Variants in SPON1 observed in about 807,000 individuals in gnomAD.
SPON1 encodes the protein spondin 1, also known as spondin-1.
In SPON1, 52 loss-of-function variants were observed where a neutral mutation model predicts 111.7. The ratio of observed to expected loss-of-function variants is 0.47; its 90% CI spans 0.37 to 0.59. The LOEUF (loss-of-function observed/expected upper bound fraction) is 0.59. SPON1 is among the 20% of genes least tolerant of loss of function. The pLI is 0.00. For synonymous variants in SPON1, 410 were observed against 395.8 expected (o/e 1.04, Z -0.43); for missense variants, 957 against 1,068.5 (o/e 0.90, Z 1.46).
At chr11:14,217,895 A>G (rs1434343245) in intron 6 of SPON1, among the ~76,000 whole-genome samples, 1 of 152,228 alleles carries the variant, frequency 6.6e-6, no homozygotes, top group Non-Finnish European at 1.5e-5. Context: ...GACACTGTCT[A>G]GGTCAATGGT....
chr11:14,098,378 T>C (rs889906114), intron 5 of SPON1, among the ~76,000 whole-genome samples: 1 of 152,236 alleles, frequency 6.6e-6, no homozygotes, highest in African/African-American at 2.4e-5. Context: ...TAATTACTAG[T>C]TTTCAATTTG....
chr11:14,241,775 G>A (rs1249429771), intron 6 of SPON1, among the ~76,000 whole-genome samples: 1 of 152,164 alleles, frequency 6.6e-6, no homozygotes, highest in Non-Finnish European at 1.5e-5. Flanking sequence ...TTCTTAGGAG[G>A]GAAGAAGGGA....
chr11:14,119,972 A>G (rs969676187), intron 5 of SPON1, among the ~76,000 whole-genome samples: 3 of 152,210 alleles, frequency 2.0e-5, no homozygotes, highest in Non-Finnish European at 4.4e-5. Context: ...CAGTGGCCAC[A>G]TATGAGAAGT....
chr11:14,219,231 C>T (rs887803920), intron 6 of SPON1, among the ~76,000 whole-genome samples: 6 of 152,174 alleles, frequency 3.9e-5, no homozygotes, highest in Non-Finnish European at 7.3e-5. Context: ...CTTCTCATTG[C>T]AATGTTCCTA....
intron 9 of SPON1, 29 bp from the exon 10 acceptor site, chr11:14,256,588 G>A (rs1228426378): frequency 1.3e-6 from 2 of 1,517,472 alleles, no homozygotes; most frequent in Non-Finnish European, 1.8e-6. Flanking sequence ...TCTCTCATGT[G>A]AGCCCTCCAA....
At chr11:13,995,089 T>C (rs1554911638) in intron 2 of SPON1, among the ~76,000 whole-genome samples, 1 of 152,242 alleles carries the variant, frequency 6.6e-6, no homozygotes, top group African/African-American at 2.4e-5. Context: ...TGTTTAATAT[T>C]ACTCTGTTCT....
chr11:14,182,149 CTT>C (rs1554933740), intron 6 of SPON1, among the ~76,000 whole-genome samples: 1 of 152,170 alleles, frequency 6.6e-6, no homozygotes, highest in Non-Finnish European at 1.5e-5. Context: ...CTCTAACACT[CTT>C]AAGCTCCCTG....
chr11:14,081,986 C>G (rs558730573), intron 5 of SPON1, among the ~76,000 whole-genome samples: 1 of 152,040 alleles, frequency 6.6e-6, no homozygotes, highest in Non-Finnish European at 1.5e-5. Flanking sequence ...GAGACCTGTG[C>G]GAAGAAACTT....
intron 5 of SPON1, among the ~76,000 whole-genome samples, chr11:14,086,196 G>A (rs1849005005): frequency 6.6e-6 from 1 of 152,122 alleles, no homozygotes; most frequent in Non-Finnish European, 1.5e-5. Flanking sequence ...AATGGGAGTG[G>A]TGAGAGGGGG....
Position 14,262,730 on chromosome 11 carries a change from C to T in SPON1, c.2015C>T (p.Thr672Ile), listed in dbSNP as rs373661458. 14 of 1,613,792 alleles carry T rather than the reference C, an allele frequency of 8.7e-6. No homozygotes were observed. The highest frequency in any genetic ancestry group is 1.3e-5 in the African/African-American group (1 of 74,882). The change falls in exon 15 of 16, where the codon ACC becomes ATC. Residue 672 changes from threonine to isoleucine, a missense_variant. Around this residue, in one of 5 missense-constraint regions of SPON1, gnomAD observed 549 missense variants for 606.2 expected, o/e 0.91. Coordinates refer to ENST00000576479, the MANE Select transcript of SPON1 (RefSeq NM_006108.4). ...TTGCCAGCCATTGACTGTGAGCTCA[C>T]CGAGTGGTCCCAGTGGTCGGAATGT... ...LPECPIDCELTEWSQWSECNK... is the reference protein window; with the variant it reads ...LPECPIDCELIEWSQWSECNK...
chr11:14,065,352 G>C (rs1554920261), intron 3 of SPON1, among the ~76,000 whole-genome samples: 2 of 152,194 alleles, frequency 1.3e-5, no homozygotes, highest in Non-Finnish European at 2.9e-5. Context: ...GTAATGACTT[G>C]CATGAACCCA....
At chr11:14,029,780 G>C (rs1848545427) in intron 2 of SPON1, among the ~76,000 whole-genome samples, 1 of 152,124 alleles carries the variant, frequency 6.6e-6, no homozygotes. Context: ...AGTTTTGCTG[G>C]GGACCCTTGG....
Position 14,057,844 on chromosome 11 carries a change from C to CAAACAAAAAAAAAAA in SPON1, c.479+16193_479+16194insCAAAAAAAAAAAAAA, listed in dbSNP as rs1554919408. On this transcript the variant is annotated intron_variant, in intron 3 of 15. Coordinates refer to ENST00000576479, the MANE Select transcript of SPON1 (RefSeq NM_006108.4). ...ACCTTGTCTCTACAAAAAAAAAAAA[C>CAAACAAAAAAAAAAA]AAAACAAAAACTTAAAAATAAAATT... Among the ~76,000 whole-genome samples the CAAACAAAAAAAAAAA allele has an allele frequency of 1.2e-4, 15 of 125,526 alleles. 1 individual carries two copies. Among genetic ancestry groups the CAAACAAAAAAAAAAA allele is most frequent in the East Asian group, 7.0e-4 (3 of 4,272 alleles). 82.3% of individuals were successfully genotyped at this position (125,526 alleles called of 152,430 possible). A position where few individuals can be genotyped will look rare whatever the true frequency, so the allele number is the denominator to read the frequency against.
intron 5 of SPON1, among the ~76,000 whole-genome samples, chr11:14,112,859 C>T (rs1224342699): frequency 3.3e-5 from 5 of 152,188 alleles, no homozygotes; most frequent in African/African-American, 1.2e-4. Context: ...TAGAATTCTG[C>T]CTTTTATTGC....
intron 6 of SPON1, among the ~76,000 whole-genome samples, chr11:14,189,957 G>C (rs781945914): frequency 1.3e-5 from 2 of 152,136 alleles, no homozygotes; most frequent in East Asian, 1.9e-4. Context: ...TTTTGTAAGC[G>C]GGCACTTCCT....
chr11:14,187,325 A>T (rs540694681), intron 6 of SPON1, among the ~76,000 whole-genome samples: 2 of 152,154 alleles, frequency 1.3e-5, no homozygotes. Context: ...GAGGGGACAA[A>T]TATCCAAACC....
At chr11:13,993,543 T>C (rs908726077) in intron 2 of SPON1, among the ~76,000 whole-genome samples, 7 of 152,186 alleles carry the variant, frequency 4.6e-5, no homozygotes, top group African/African-American at 1.7e-4. Flanking sequence ...AGCGGTCCCT[T>C]TCCAGGGAGC....
intron 2 of SPON1, among the ~76,000 whole-genome samples, chr11:13,998,049 A>G (rs1554912014): frequency 6.6e-6 from 1 of 152,232 alleles, no homozygotes; most frequent in Non-Finnish European, 1.5e-5. Context: ...GCTGGGTGCC[A>G]TGCTGAACAC....
chr11:14,268,062 A>T lies in SPON1; in HGVS notation c.*2375A>T, dbSNP rs1396114547. The stretch of plus-strand genomic sequence containing the variant: ...TTATTAGAAGGGAATCTGTTGTAGC[A>T]AATGGGAATAAACCTGGGTTTCTAT... On this transcript the variant is annotated 3_prime_UTR_variant, in exon 16 of 16. Transcript: ENST00000576479. 1.3e-5 allele frequency among the ~76,000 whole-genome samples: 2 copies of T among 152,240 alleles called. No individual in the cohort carries two copies. The highest frequency in any genetic ancestry group is 2.4e-5 in the African/African-American group (1 of 41,464).
Sources: allele counts gnomAD v4.1 joint callset (sites outside exome capture counted in the v4.1 genomes callset), GRCh38; gene constraint gnomAD v4.1.1; regional missense constraint gnomAD v4.1.1; transcripts MANE v1.5; gene names NCBI Gene and HGNC (gene_info 2026-07-23, HGNC 2026-07-21).